PIAS1: variants seen among roughly 807,000 people sequenced by gnomAD.
PIAS1 encodes protein inhibitor of activated STAT 1.
In PIAS1, 6 loss-of-function variants were observed where a neutral mutation model predicts 71.3. The ratio of observed to expected loss-of-function variants is 0.08; its 90% CI spans 0.05 to 0.17. The LOEUF (loss-of-function observed/expected upper bound fraction) is 0.17, where lower values mean the gene tolerates loss of function less well. Among genes scored for constraint, PIAS1 ranks in the 10% least tolerant of loss-of-function variants. The pLI, the probability that PIAS1 is intolerant of heterozygous loss-of-function variation, is 1.00. For missense variants in PIAS1, 555 were observed against 793.6 expected (o/e 0.70, Z 3.61); for synonymous variants, 303 against 292.9 (o/e 1.03, Z -0.35).
chr15:68,100,586 T>C (rs755604397), intron 2 of PIAS1, among the ~76,000 whole-genome samples: 2 of 152,220 alleles, frequency 1.3e-5, no homozygotes, highest in Non-Finnish European at 2.9e-5. Flanking sequence ...TTTCTGTGTT[T>C]GGCTGTTAAT....
chr15:68,100,008 A>G (rs2092409491), intron 2 of PIAS1, among the ~76,000 whole-genome samples: 1 of 151,368 alleles, frequency 6.6e-6, no homozygotes, highest in African/African-American at 2.4e-5. Context: ...TTGACTTTTG[A>G]GAGTTCCTTT....
intron 1 of PIAS1, among the ~76,000 whole-genome samples, chr15:68,073,115 A>G (rs983220824): frequency 2.6e-5 from 4 of 152,156 alleles, no homozygotes; most frequent in African/African-American, 9.7e-5. Flanking sequence ...TCCTGGGTTC[A>G]TGCCATTCTC....
chr15:68,181,083 G>T (rs1273434570), intron 11 of PIAS1, 129 bp from the exon 12 acceptor site: 5 of 682,252 alleles, frequency 7.3e-6, no homozygotes, highest in Non-Finnish European at 1.3e-5. Flanking sequence ...ATTATACATT[G>T]CTTTGCTTGG....
chr15:68,063,435 T>C (rs1399777153), intron 1 of PIAS1, among the ~76,000 whole-genome samples: 1 of 152,178 alleles, frequency 6.6e-6, no homozygotes, highest in Non-Finnish European at 1.5e-5. Context: ...AGAAGGGGAC[T>C]GAAGAGGCAC....
In PIAS1 at chr15:68,082,772, A is replaced by G. The variant is rs1281386336; in HGVS notation, c.25-3534A>G. On this transcript the variant is annotated intron_variant, in intron 1 of 13. Coordinates refer to ENST00000249636, the MANE Select transcript of PIAS1 (RefSeq NM_016166.3). ...TTAAACAGCTGCATAGACCTACTAC[A>G]TAGAATATAGAGAAAAAAATGCCAG... Among the ~76,000 whole-genome samples, 9 of 152,268 alleles carry G rather than the reference A, an allele frequency of 5.9e-5. No homozygotes were observed. In the East Asian group the frequency reaches 9.6e-4, roughly 16 times the overall value.
chr15:68,090,927 G>GGAGTGTGTGTGT (rs71455575), intron 2 of PIAS1, among the ~76,000 whole-genome samples: 1 of 142,762 alleles, frequency 7.0e-6, no homozygotes, highest in African/African-American at 2.6e-5. Flanking sequence ...GTCATTTACG[G>GGAGTGTGTGTGT]GTGTGTGTGT....
intron 7 of PIAS1, among the ~76,000 whole-genome samples, chr15:68,157,090 C>G (rs1380302100): frequency 2.6e-5 from 4 of 152,150 alleles, no homozygotes; most frequent in Non-Finnish European, 5.9e-5. Flanking sequence ...GCTTCTTACT[C>G]AAGCACTAGG....
chr15:68,122,819 A>G lies in PIAS1; in HGVS notation c.470-19127A>G, dbSNP rs578099112. Among the ~76,000 whole-genome samples, 7 of 152,150 alleles carry G rather than the reference A, an allele frequency of 4.6e-5. No individual in the cohort carries two copies. The South Asian group carries it at 6.2e-4, about 14-fold the overall frequency. ...CATTTTTGGAAGAGTAATAGTCACT[A>G]TTTTTTCAAAACTTAGCAATGCAGT... On this transcript the variant is annotated intron_variant, in intron 2 of 13. Coordinates refer to ENST00000249636, the MANE Select transcript of PIAS1 (RefSeq NM_016166.3).
At chr15:68,064,251 C>T (rs1469876657) in intron 1 of PIAS1, among the ~76,000 whole-genome samples, 1 of 152,114 alleles carries the variant, frequency 6.6e-6, no homozygotes. Flanking sequence ...ATATTTGTTA[C>T]TAATGATAAA....
At position 68,185,380 on chromosome 15, in the gene PIAS1, A is replaced by G. The variant is rs1358424378; in HGVS notation, c.1662+1713A>G. ...CTGAAGAAGTTTGTTCATGACTTCA[A>G]AGAATCTGCTAAGGATGAAGAGGTT... is the stretch of plus-strand genomic sequence containing the variant. On this transcript the variant is annotated intron_variant, in intron 13 of 13. Transcript: ENST00000249636. This position sits in a 1 kb window ranked among gnomAD's most constrained non-coding sequence, Gnocchi z 4.4. Among the ~76,000 whole-genome samples, 1 of 152,230 alleles carries G rather than the reference A, an allele frequency of 6.6e-6. No individual in the cohort carries two copies. Among genetic ancestry groups the G allele is most frequent in the African/African-American group, 2.4e-5 (1 of 41,464 alleles).
intron 1 of PIAS1, chr15:68,055,796 T>C (rs2091889770): frequency 1.6e-6 from 1 of 633,616 alleles, no homozygotes; most frequent in Non-Finnish European, 2.8e-6. Flanking sequence ...CGACAACTTC[T>C]AGAACAACCA....
At chr15:68,147,103 A>T (rs72741112) in intron 6 of PIAS1, among the ~76,000 whole-genome samples, 9,494 of 152,254 alleles carry the variant, frequency 0.062, 405 homozygotes, top group Non-Finnish European at 0.091. Flanking sequence ...TTGCATGCAT[A>T]TGATAATTTC....
chr15:68,135,193 C>A (rs1166846301), intron 2 of PIAS1, among the ~76,000 whole-genome samples: 27 of 42,332 alleles, frequency 6.4e-4, no homozygotes, highest in South Asian at 4.2e-3. Context: ...GGGCGGGGGG[C>A]TGACCCCCCC....
intron 1 of PIAS1, among the ~76,000 whole-genome samples, chr15:68,066,088 T>C (rs1325759330): frequency 1.3e-5 from 2 of 151,362 alleles, no homozygotes; most frequent in Admixed American, 6.6e-5. Flanking sequence ...GTGTGGGAAA[T>C]ATATAACTTA....
intron 1 of PIAS1, among the ~76,000 whole-genome samples, chr15:68,069,445 C>T (rs1023037583): frequency 3.3e-5 from 5 of 152,008 alleles, no homozygotes; most frequent in Non-Finnish European, 7.4e-5. Context: ...ATTTATATGC[C>T]AAATCAGCTG....
chr15:68,191,573 C>T lies in PIAS1; in HGVS notation c.*3738C>T, dbSNP rs2093120387. The T allele has an allele frequency of 6.6e-6, 1 of 152,650 alleles. No homozygotes were observed. The highest frequency in any genetic ancestry group is 6.5e-5 in the Admixed American group (1 of 15,286). 9.5% of individuals were successfully genotyped at this position (152,650 alleles called of 1,614,324 possible). On this transcript the variant is annotated 3_prime_UTR_variant, in exon 14 of 14. Transcript: ENST00000249636. Reference sequence around the variant, plus strand: ...CACCTTTCATCCAGAGATTTCAAAGCATGACAAGTAACTAACTAATTTTCT... The same window carrying T: ...CACCTTTCATCCAGAGATTTCAAAGTATGACAAGTAACTAACTAATTTTCT...
chr15:68,065,915 C>CTTTTTTTTTT lies in PIAS1; in HGVS notation c.24+11584_24+11593dup, dbSNP rs869104577. On this transcript the variant is annotated intron_variant, in intron 1 of 13. Transcript: ENST00000249636. Reference sequence around the variant, plus strand: ...GCCACCATGCTCAGCTGACTAAAAGCTTTTTTTTTTTTTTTTTTTTTTTTT... The same window carrying CTTTTTTTTTT: ...GCCACCATGCTCAGCTGACTAAAAGCTTTTTTTTTTTTTTTTTTTTTTTTTTTTTTTTTTT... Among the ~76,000 whole-genome samples the CTTTTTTTTTT allele has an allele frequency of 2.2e-3, 87 of 40,172 alleles. 21 individuals are homozygous for CTTTTTTTTTT. The highest frequency in any genetic ancestry group is 9.7e-3 in the African/African-American group (73 of 7,530). The allele number at this position is 40,172 out of a possible 152,430, so 26.4% of individuals were successfully genotyped here.
rs1273509495 is a variant in PIAS1 at position 68,187,873 on chromosome 15, G to A, written c.*38G>A. 1.9e-6 allele frequency: 3 copies of A among 1,569,328 alleles called. No homozygotes were observed. Among genetic ancestry groups the A allele is most frequent in the Non-Finnish European group, 2.6e-6 (3 of 1,146,686 alleles). The stretch of plus-strand genomic sequence containing the variant: ...GCTGCTCCCATCCCCACCCCAGATC[G>A]AATGAACTTGGCAGAAAGAAGAGAA... On this transcript the variant is annotated 3_prime_UTR_variant, in exon 14 of 14. Coordinates refer to ENST00000249636, the MANE Select transcript of PIAS1 (RefSeq NM_016166.3). The surrounding 1 kb of genome is among the most constrained non-coding windows in gnomAD (Gnocchi z 5.3).
intron 6 of PIAS1, among the ~76,000 whole-genome samples, chr15:68,152,709 C>A (rs377506856): frequency 2.0e-5 from 3 of 152,128 alleles, no homozygotes; most frequent in East Asian, 3.9e-4. Context: ...ATTATTTTTC[C>A]TTTTACTTCT....
Sources: allele counts gnomAD v4.1 joint callset (sites outside exome capture counted in the v4.1 genomes callset), GRCh38; gene constraint gnomAD v4.1.1; non-coding constraint Gnocchi (gnomAD v3.1); transcripts MANE v1.5; gene names NCBI Gene and HGNC (gene_info 2026-07-23, HGNC 2026-07-21).